CCDC180: variants seen among roughly 807,000 people sequenced by gnomAD.
CCDC180 encodes coiled-coil domain-containing protein 180.
In CCDC180, 154 loss-of-function variants were observed where a neutral mutation model predicts 209.2. That is an observed-to-expected ratio of 0.74 (90% CI 0.65 to 0.84). CCDC180 has a LOEUF of 0.84. CCDC180 is among the 40% of genes least tolerant of loss of function. The pLI, the probability that CCDC180 is intolerant of heterozygous loss-of-function variation, is 0.00. For synonymous variants in CCDC180, 778 were observed against 749.1 expected, an observed-to-expected ratio of 1.04 and a Z score of -0.63; for missense variants, 1,874 against 1,997.3, an observed-to-expected ratio of 0.94 and a Z score of 1.18.
chr9:97,356,673 C>T (rs1301566821), intron 24 of CCDC180, among the ~76,000 whole-genome samples: 1 of 152,214 alleles, frequency 6.6e-6, no homozygotes, highest in Non-Finnish European at 1.5e-5. Flanking sequence ...GGGCCTCCAG[C>T]TGGTGCTGGC....
chr9:97,330,029 C>G, intron 16 of CCDC180, 125 bp from the exon 17 acceptor site: 1 of 789,350 alleles, frequency 1.3e-6, no homozygotes, highest in Non-Finnish European at 2.0e-6. Flanking sequence ...GACCGCGCCA[C>G]TGCACTCCAG....
intron 9 of CCDC180, among the ~76,000 whole-genome samples, 199 bp from the exon 10 acceptor site, chr9:97,318,264 C>T (rs1030716796): frequency 2.6e-5 from 4 of 152,182 alleles, no homozygotes; most frequent in African/African-American, 9.7e-5. Flanking sequence ...TCTGTCCCCG[C>T]TTTCTCCCAC....
Position 97,349,093 on chromosome 9 carries a change from C to A in CCDC180, c.2675-18C>A. ...GAATCGGGTCCCCGGGGCCCCAGCT[C>A]TCTTAATCCTTTTTCAGCCGAGCTT... On this transcript the variant is annotated intron_variant, in intron 20 of 36. Coordinates refer to ENST00000529487, the MANE Select transcript of CCDC180 (RefSeq NM_020893.6). 2.0e-6 allele frequency: 3 copies of A among 1,533,778 alleles called. No individual in the cohort carries two copies. The highest frequency in any genetic ancestry group is 2.6e-6 in the Non-Finnish European group (3 of 1,145,722).
Position 97,312,144 on chromosome 9 carries a change from C to T in CCDC180, c.292C>T (p.Arg98Ter), listed in dbSNP as rs377165805. 8.1e-6 allele frequency: 13 copies of T among 1,613,928 alleles called. No individual in the cohort carries two copies. The highest frequency in any genetic ancestry group is 4.4e-5 in the South Asian group (4 of 91,080). ...EKERAKREKA[R>*]ESENTIAARE... The stretch of plus-strand genomic sequence containing the variant: ...GGAAAGAGCCAAGAGGGAAAAAGCC[C>T]GAGAGAGTGAGAACACCATCGCTGC... The change falls in exon 4 of 37, where the codon CGA (arginine) becomes TGA (stop). Residue 98 changes from arginine (R) to a stop codon, truncating the protein, a stop_gained. Coordinates refer to ENST00000529487, the MANE Select transcript of CCDC180 (RefSeq NM_020893.6). LOFTEE classifies it high-confidence loss of function.
intron 9 of CCDC180, among the ~76,000 whole-genome samples, chr9:97,317,495 A>T (rs145229269): frequency 3.5e-4 from 53 of 152,318 alleles, no homozygotes; most frequent in African/African-American, 1.2e-3. Context: ...TTCATATTTT[A>T]TTCATGAACC....
At chr9:97,323,636 TA>T in intron 12 of CCDC180, 144 bp from the exon 13 acceptor site, 1 of 1,037,440 alleles carries the variant, frequency 9.6e-7, no homozygotes, top group Non-Finnish European at 1.3e-6. Flanking sequence ...CTCCAGACCC[TA>T]AGGGGAACAG....
At position 97,328,015 on chromosome 9, in the gene CCDC180, C is replaced by T; in HGVS notation, c.1662-5C>T. On this transcript the variant is annotated splice_region_variant and splice_polypyrimidine_tract_variant and intron_variant, in intron 15 of 36. Transcript: ENST00000529487. ...GGTCTCCTGTCTTACCTACCTACCT[C>T]CCAGGTATGAATGTTTTCACACCCT... 1 of 1,612,818 alleles carries T rather than the reference C, an allele frequency of 6.2e-7. No homozygotes were observed. The highest frequency in any genetic ancestry group is 8.5e-7 in the Non-Finnish European group (1 of 1,179,300).
chr9:97,318,391 TTC>T lies in CCDC180; in HGVS notation c.960-68_960-67del, dbSNP rs1833247211. 6.4e-6 allele frequency: 10 copies of T among 1,559,926 alleles called. No individual in the cohort carries two copies. In the Admixed American group the frequency reaches 1.7e-4, roughly 27 times the overall value. On this transcript the variant is annotated intron_variant, in intron 9 of 36. Coordinates refer to ENST00000529487, the MANE Select transcript of CCDC180 (RefSeq NM_020893.6). ...GAGGCTCTGAATGCTGTCACCATGG[TTC>T]TCTTTCCCTCTCTCACTCCTGCCCT...
chr9:97,332,114 A>T (rs1825773194), intron 18 of CCDC180, among the ~76,000 whole-genome samples: 1 of 152,144 alleles, frequency 6.6e-6, no homozygotes, highest in Admixed American at 6.5e-5. Context: ...TCTTCTGCAT[A>T]TGGCTACCCA....
chr9:97,365,023 G>A (rs1032508078), intron 29 of CCDC180: 2 of 152,328 alleles, frequency 1.3e-5, no homozygotes, highest in Non-Finnish European at 2.9e-5. Flanking sequence ...AGTCATTCAT[G>A]AATTGGGCAG....
chr9:97,348,118 GC>G (rs1371556725), intron 20 of CCDC180, among the ~76,000 whole-genome samples: 2 of 22,542 alleles, frequency 8.9e-5, no homozygotes, highest in African/African-American at 5.1e-4. Flanking sequence ...TTAATGCGGG[GC>G]GGGGGGGGGG....
chr9:97,362,274 G>A lies in CCDC180; in HGVS notation c.3735G>A (p.Gly1245=), dbSNP rs1826779911. 6.2e-7 allele frequency: 1 copy of A among 1,614,140 alleles called. No individual in the cohort carries two copies. The highest frequency in any genetic ancestry group is 1.3e-5 in the African/African-American group (1 of 75,024). Residue 1245 remains glycine (G), a synonymous_variant, in exon 28 of 37, where the codon GGG becomes GGA. Coordinates refer to ENST00000529487, the MANE Select transcript of CCDC180 (RefSeq NM_020893.6). ...CAGGTAGAGGCGCATGGGCCTGTGG[G>A]TCTCGGGGCAGCAGTGAGGCAGGGG... ...SQTGRGAWAC[G]SRGSSEAGAG...
intron 35 of CCDC180, among the ~76,000 whole-genome samples, chr9:97,374,916 G>T (rs1213346936): frequency 2.0e-5 from 3 of 152,216 alleles, no homozygotes; most frequent in Non-Finnish European, 4.4e-5. Context: ...CCCACCAAAG[G>T]GTCCCATGAT....
intron 19 of CCDC180, 150 bp from the exon 20 acceptor site, chr9:97,347,164 A>G (rs1167650090): frequency 4.3e-6 from 3 of 702,022 alleles, no homozygotes; most frequent in Non-Finnish European, 7.0e-6. Context: ...TTAAAAGAGT[A>G]ATGGTCCATT....
In CCDC180 at chr9:97,318,451, T is replaced by C; in HGVS notation, c.960-12T>C. ...CTCTCCCCTTTATGGTGCCAACATG[T>C]CTGGCCACCAGTGAGTTCATGGCCA... On this transcript the variant is annotated splice_polypyrimidine_tract_variant and intron_variant, in intron 9 of 36. Coordinates refer to ENST00000529487, the MANE Select transcript of CCDC180 (RefSeq NM_020893.6). 1.2e-6 allele frequency: 2 copies of C among 1,613,050 alleles called. No individual in the cohort carries two copies. The highest frequency in any genetic ancestry group is 2.2e-5 in the South Asian group (2 of 91,060).
At chr9:97,347,617 C>G in intron 20 of CCDC180, 128 bp downstream of exon 20, 1 of 890,450 alleles carries the variant, frequency 1.1e-6, no homozygotes, top group East Asian at 2.7e-5. Flanking sequence ...TCTCATCACA[C>G]CATGGAAGAT....
intron 21 of CCDC180, among the ~76,000 whole-genome samples, chr9:97,350,193 G>C (rs1028716768): frequency 6.7e-6 from 1 of 148,398 alleles, no homozygotes; most frequent in African/African-American, 2.5e-5. Context: ...ACCCATCAGC[G>C]TTGTGCCCCC....
rs370854111 is a variant in CCDC180 at position 97,374,420 on chromosome 9, G to T, written c.4601-123G>T. 28 of 701,868 alleles carry T rather than the reference G, an allele frequency of 4.0e-5. No homozygotes were observed. In the African/African-American group the frequency reaches 4.3e-4, roughly 11 times the overall value. The allele number at this position is 701,868 out of a possible 1,614,324, so 43.5% of individuals were successfully genotyped here. On this transcript the variant is annotated intron_variant, in intron 34 of 36. Coordinates refer to ENST00000529487, the MANE Select transcript of CCDC180 (RefSeq NM_020893.6). ...CTTCTCCATGGAGAGGGCTCAGCCT[G>T]CCATAACTCCAAGTGGGAGGAGGGG...
chr9:97,343,627 TAAAA>T (rs34335877), intron 19 of CCDC180, 64 bp downstream of exon 19: 8 of 936,880 alleles, frequency 8.5e-6, no homozygotes, highest in South Asian at 3.8e-5. Flanking sequence ...GGTGAAATAT[TAAAA>T]AAAAAAAAAG....
Sources: allele counts gnomAD v4.1 joint callset (sites outside exome capture counted in the v4.1 genomes callset), GRCh38; gene constraint gnomAD v4.1.1; transcripts MANE v1.5; gene names NCBI Gene and HGNC (gene_info 2026-07-23, HGNC 2026-07-21).